The following RYK variants were observed in gnomAD, a reference collection of about 807,000 sequenced individuals.
The protein encoded by RYK is inactive tyrosine-protein kinase RYK.
A neutral mutation model predicts 70.2 loss-of-function variants in RYK; 21 were observed. The ratio of observed to expected loss-of-function variants is 0.30; its 90% confidence interval spans 0.21 to 0.43. RYK has a LOEUF of 0.43. Ranked by LOEUF, RYK falls within the 20% of genes least tolerant of loss-of-function variation. RYK has a pLI of 1.00. For synonymous variants in RYK, 267 were observed against 278.0 expected (o/e 0.96, Z 0.39); for missense variants, 604 against 753.3 (o/e 0.80, Z 2.32).
At chr3:134,205,148 A>G (rs1221502715) in intron 5 of RYK, among the ~76,000 whole-genome samples, 1 of 152,180 alleles carries the variant, frequency 6.6e-6, no homozygotes, top group East Asian at 1.9e-4. Flanking sequence ...TGGGGATGTG[A>G]AAATCAAGAG....
chr3:134,218,931 G>C (rs1379906309), intron 2 of RYK, among the ~76,000 whole-genome samples: 1 of 152,098 alleles, frequency 6.6e-6, no homozygotes, highest in Non-Finnish European at 1.5e-5. Flanking sequence ...ATAGGAGAAG[G>C]AAACTAGGAT....
chr3:134,240,916 T>C (rs1347729588), intron 1 of RYK, among the ~76,000 whole-genome samples: 1 of 152,264 alleles, frequency 6.6e-6, no homozygotes, highest in East Asian at 1.9e-4. Context: ...ATTCATTTTA[T>C]GATTTCCCTG....
chr3:134,241,753 C>T (rs534354126), intron 1 of RYK, among the ~76,000 whole-genome samples: 101 of 152,350 alleles, frequency 6.6e-4, no homozygotes, highest in African/African-American at 2.3e-3. Flanking sequence ...TTTGGAGTCA[C>T]ATAGCCCCAC....
chr3:134,179,989 A>C (rs2013237441), intron 10 of RYK: 1 of 152,154 alleles, frequency 6.6e-6, no homozygotes, highest in South Asian at 2.1e-4. Flanking sequence ...TTGTAATGAA[A>C]AGGAGGATGA....
rs1191417173 is a variant in RYK at position 134,250,705 on chromosome 3, C to T, written c.-51G>A. The T allele has an allele frequency of 1.0e-5, 9 of 895,384 alleles. No homozygotes were observed. The highest frequency in any genetic ancestry group is 6.3e-5 in the Admixed American group (1 of 15,822). The allele number at this position is 895,384 out of a possible 1,614,324, so 55.5% of individuals were successfully genotyped here. On this transcript the variant is annotated 5_prime_UTR_variant, in exon 1 of 15. Transcript: ENST00000623711. ...GAGCGTCGGCCGCCCGCCGCACCGCCGCCCACCCCCGGCCCCGAGCCGCTC... is the reference window on the plus strand; with the variant it reads ...GAGCGTCGGCCGCCCGCCGCACCGCTGCCCACCCCCGGCCCCGAGCCGCTC...
At chr3:134,235,730 G>T (rs1439269106) in intron 1 of RYK, among the ~76,000 whole-genome samples, 4 of 152,168 alleles carry the variant, frequency 2.6e-5, no homozygotes, top group Admixed American at 6.5e-5. Flanking sequence ...GACAGCAGGG[G>T]TTATTACTGT....
At chr3:134,233,591 G>A (rs1181943405) in intron 1 of RYK, among the ~76,000 whole-genome samples, 1 of 152,126 alleles carries the variant, frequency 6.6e-6, no homozygotes, top group African/African-American at 2.4e-5. Context: ...TTAATAAACT[G>A]TAATACATCC....
chr3:134,174,601 G>C (rs536331992), intron 13 of RYK, among the ~76,000 whole-genome samples: 1 of 152,270 alleles, frequency 6.6e-6, no homozygotes, highest in East Asian at 1.9e-4. Flanking sequence ...CCTATAAGCA[G>C]AAGTTTTACC....
intron 13 of RYK, among the ~76,000 whole-genome samples, chr3:134,160,449 ACAACAAAATCC>A (rs1482878061): frequency 1.9e-5 from 2 of 107,744 alleles, no homozygotes; most frequent in African/African-American, 7.4e-5. Context: ...TTTTTCAATA[ACAACAAAATCC>A]CAAAATACTT....
At chr3:134,199,971 G>A (rs564417595) in intron 6 of RYK, among the ~76,000 whole-genome samples, 6 of 150,594 alleles carry the variant, frequency 4.0e-5, no homozygotes, top group Non-Finnish European at 8.8e-5. Flanking sequence ...GTTTGTAAAC[G>A]CACCAATCAG....
intron 1 of RYK, among the ~76,000 whole-genome samples, chr3:134,230,319 G>A (rs1056493538): frequency 6.6e-6 from 1 of 152,178 alleles, no homozygotes; most frequent in Admixed American, 6.5e-5. Context: ...GACCTCAAGT[G>A]ATCCATCCGC....
chr3:134,160,461 C>G (rs2012421657), intron 13 of RYK, among the ~76,000 whole-genome samples: 1 of 152,028 alleles, frequency 6.6e-6, no homozygotes, highest in African/African-American at 2.4e-5. Flanking sequence ...AACAAAATCC[C>G]AAAATACTTT....
At chr3:134,231,671 T>C (rs1256063090) in intron 1 of RYK, among the ~76,000 whole-genome samples, 1 of 152,164 alleles carries the variant, frequency 6.6e-6, no homozygotes, top group East Asian at 1.9e-4. Context: ...CCTTCGGAAG[T>C]ACAACTTTCC....
intron 2 of RYK, 81 bp downstream of exon 2, chr3:134,222,337 G>A (rs1272902500): frequency 1.4e-6 from 2 of 1,452,900 alleles, no homozygotes; most frequent in Non-Finnish European, 1.9e-6. Context: ...AGTACAGACA[G>A]CAGCCCAGTC....
At chr3:134,228,455 G>T (rs768280244) in intron 1 of RYK, among the ~76,000 whole-genome samples, 1 of 152,096 alleles carries the variant, frequency 6.6e-6, no homozygotes, top group African/African-American at 2.4e-5. Context: ...TGTCCAACAA[G>T]GAATGAATGC....
chr3:134,224,177 G>C (rs543926004), intron 1 of RYK, among the ~76,000 whole-genome samples: 4 of 152,262 alleles, frequency 2.6e-5, no homozygotes, highest in African/African-American at 9.6e-5. Context: ...TGTGGAGACC[G>C]GTAGTGGCCC....
chr3:134,187,731 T>C (rs1015271390), intron 9 of RYK, among the ~76,000 whole-genome samples: 1 of 151,314 alleles, frequency 6.6e-6, no homozygotes, highest in African/African-American at 2.4e-5. Flanking sequence ...CTTTTTTTTT[T>C]TTTTTTTGTA....
intron 1 of RYK, among the ~76,000 whole-genome samples, chr3:134,230,275 C>T (rs2015019935): frequency 6.6e-6 from 1 of 152,136 alleles, no homozygotes; most frequent in Admixed American, 6.5e-5. Flanking sequence ...TTAGTAGAAA[C>T]GCGGTTTCAC....
chr3:134,216,334 A>G (rs570024194), intron 2 of RYK, among the ~76,000 whole-genome samples: 1 of 152,262 alleles, frequency 6.6e-6, no homozygotes, highest in East Asian at 1.9e-4. Flanking sequence ...CAAAGGACAC[A>G]GCTGCTGGCC....
Sources: gnomAD v4.1 joint callset for allele counts (sites outside exome capture counted in the v4.1 genomes callset) on GRCh38, gnomAD v4.1.1 for gene constraint, MANE v1.5 for transcripts, NCBI Gene and HGNC (gene_info 2026-07-23, HGNC 2026-07-21) for gene names.